Variants in SPOCK1 observed in about 807,000 individuals in gnomAD.
SPOCK1 encodes the protein SPARC (osteonectin), cwcv and kazal like domains proteoglycan 1, also known as testican-1.
SPOCK1 carries 23 observed loss-of-function variants against 55.3 expected under a neutral mutation model. The ratio of observed to expected loss-of-function variants is 0.42; its 90% CI spans 0.30 to 0.59. The LOEUF (loss-of-function observed/expected upper bound fraction) is 0.59. Ranked by LOEUF, SPOCK1 falls within the 20% of genes least tolerant of loss-of-function variation. The pLI, the probability that SPOCK1 is intolerant of heterozygous loss-of-function variation, is 0.22. For synonymous variants in SPOCK1, 226 were observed against 221.0 expected, an observed-to-expected ratio of 1.02 and a Z score of -0.20; for missense variants, 499 against 552.5, an observed-to-expected ratio of 0.90 and a Z score of 0.97.
chr5:137,412,364 A>C (rs1752224555), intron 2 of SPOCK1, among the ~76,000 whole-genome samples: 2 of 152,236 alleles, frequency 1.3e-5, no homozygotes. Context: ...GTGAAACATT[A>C]GCTGAACTTC....
chr5:137,405,113 A>G (rs984974449), intron 2 of SPOCK1, among the ~76,000 whole-genome samples: 1 of 152,232 alleles, frequency 6.6e-6, no homozygotes, highest in African/African-American at 2.4e-5. Flanking sequence ...AAATTTCCTG[A>G]GAAACCCCAC....
intron 2 of SPOCK1, among the ~76,000 whole-genome samples, chr5:137,415,513 C>T (rs1445560438): frequency 6.6e-6 from 1 of 152,234 alleles, no homozygotes; most frequent in South Asian, 2.1e-4. Flanking sequence ...TTCCCTCTCC[C>T]TCCATTGTGA....
chr5:137,223,522 A>T (rs6894377), intron 3 of SPOCK1, among the ~76,000 whole-genome samples: 59,972 of 151,866 alleles, frequency 0.39, 12,905 homozygotes, highest in Non-Finnish European at 0.47. Flanking sequence ...AATTCCAGGG[A>T]CCATCCATCT....
At chr5:137,482,229 C>T (rs1753965368) in intron 2 of SPOCK1, among the ~76,000 whole-genome samples, 1 of 152,200 alleles carries the variant, frequency 6.6e-6, no homozygotes, top group Admixed American at 6.5e-5. Flanking sequence ...ACTAAGACTT[C>T]ACATCCATGA....
chr5:137,298,058 T>C (rs1323009113), intron 2 of SPOCK1, among the ~76,000 whole-genome samples: 1 of 152,134 alleles, frequency 6.6e-6, no homozygotes, highest in African/African-American at 2.4e-5. Flanking sequence ...TGTGAAACTG[T>C]GGGCAAGTCA....
At chr5:137,334,127 C>A (rs1232096997) in intron 2 of SPOCK1, among the ~76,000 whole-genome samples, 3 of 152,176 alleles carry the variant, frequency 2.0e-5, no homozygotes, top group African/African-American at 7.2e-5. Context: ...GTGAGCTGTA[C>A]AAAATTCGCT....
rs545561949 is a variant in SPOCK1 at position 137,192,771 on chromosome 5, C to T, written c.233-52077G>A. Among the ~76,000 whole-genome samples, 65 of 152,228 alleles carry T rather than the reference C, an allele frequency of 4.3e-4. No individual in the cohort carries two copies. In the South Asian group the frequency reaches 7.5e-3, roughly 17 times the overall value. On this transcript the variant is annotated intron_variant, in intron 3 of 10. Coordinates refer to ENST00000394945, the MANE Select transcript of SPOCK1 (RefSeq NM_004598.4). ...GCTAGAACTGCATGAACCAACAACA[C>T]GGAAAAACCTCAAGACTATGTCAAG... is the stretch of plus-strand genomic sequence containing the variant.
chr5:137,434,748 G>A (rs1005238314), intron 2 of SPOCK1, among the ~76,000 whole-genome samples: 19 of 151,376 alleles, frequency 1.3e-4, no homozygotes, highest in Non-Finnish European at 2.5e-4. Flanking sequence ...TGATCTGCCC[G>A]CCTCGGCCTC....
At chr5:137,386,081 C>T (rs1396607395) in intron 2 of SPOCK1, among the ~76,000 whole-genome samples, 1 of 152,094 alleles carries the variant, frequency 6.6e-6, no homozygotes, top group Admixed American at 6.5e-5. Context: ...TTCCTATTTG[C>T]CAACAGTGAA....
intron 5 of SPOCK1, among the ~76,000 whole-genome samples, chr5:137,099,457 T>G (rs1753217637): frequency 6.6e-6 from 1 of 152,166 alleles, no homozygotes. Context: ...TGAATGCACG[T>G]TCTCTGTTAT....
At chr5:137,114,142 C>T (rs1753529696) in intron 4 of SPOCK1, among the ~76,000 whole-genome samples, 1 of 152,158 alleles carries the variant, frequency 6.6e-6, no homozygotes, top group Non-Finnish European at 1.5e-5. Context: ...AGATCCTAGG[C>T]TGGGCAGGCC....
chr5:137,371,881 T>C (rs532657280), intron 2 of SPOCK1, among the ~76,000 whole-genome samples: 6 of 152,336 alleles, frequency 3.9e-5, no homozygotes, highest in Admixed American at 3.9e-4. Context: ...GGGCTGTTAC[T>C]ATCCTCAGGT....
intron 2 of SPOCK1, among the ~76,000 whole-genome samples, chr5:137,429,979 T>C (rs11743203): frequency 0.33 from 50,870 of 152,114 alleles, 8,576 homozygotes; most frequent in Middle Eastern, 0.45. Flanking sequence ...GTGAAGTGTG[T>C]CTTCAATTCC....
intron 6 of SPOCK1, among the ~76,000 whole-genome samples, chr5:137,059,103 A>C (rs572462619): frequency 9.8e-6 from 1 of 101,834 alleles, no homozygotes; most frequent in East Asian, 2.8e-4. Flanking sequence ...GAGATCAATT[A>C]GGAAGCTATT....
At chr5:137,086,827 C>T (rs948294483) in intron 5 of SPOCK1, among the ~76,000 whole-genome samples, 1 of 152,136 alleles carries the variant, frequency 6.6e-6, no homozygotes, top group Non-Finnish European at 1.5e-5. Context: ...TCTACTACAC[C>T]TTATTCTTAG....
intron 2 of SPOCK1, among the ~76,000 whole-genome samples, chr5:137,420,299 T>C (rs1052508248): frequency 6.6e-6 from 1 of 152,248 alleles, no homozygotes; most frequent in African/African-American, 2.4e-5. Context: ...ATCAGGATGA[T>C]GCTGGCCTCA....
chr5:137,012,197 G>A (rs191789703), intron 6 of SPOCK1, among the ~76,000 whole-genome samples: 71 of 152,284 alleles, frequency 4.7e-4, no homozygotes, highest in African/African-American at 1.6e-3. Flanking sequence ...TGAACCTGAA[G>A]AAGTTACAAA....
intron 2 of SPOCK1, among the ~76,000 whole-genome samples, chr5:137,320,948 T>C (rs1399362718): frequency 6.6e-6 from 1 of 152,138 alleles, no homozygotes; most frequent in African/African-American, 2.4e-5. Context: ...AATTATCTCA[T>C]AAACAATTCA....
At chr5:137,021,035 AT>A (rs1396397680) in intron 6 of SPOCK1, among the ~76,000 whole-genome samples, 1 of 152,118 alleles carries the variant, frequency 6.6e-6, no homozygotes, top group Non-Finnish European at 1.5e-5. Flanking sequence ...TTCCTCAATA[AT>A]TTCATTCCTA....
Sources: allele counts gnomAD v4.1 joint callset (sites outside exome capture counted in the v4.1 genomes callset), GRCh38; gene constraint gnomAD v4.1.1; transcripts MANE v1.5; gene names NCBI Gene and HGNC (gene_info 2026-07-23, HGNC 2026-07-21).